The following CENPU variants were observed in gnomAD, a reference collection of about 807,000 sequenced individuals.
CENPU encodes KSHV latent nuclear antigen interacting protein 1.
Under a neutral mutation model 56.7 loss-of-function variants are expected in CENPU, and 46 were observed. The observed-to-expected ratio is 0.81, with a 90% CI of 0.64 to 1.04. The LOEUF is 1.04. CENPU is among the 50% of genes least tolerant of loss of function. The pLI is 0.00. For missense variants in CENPU, 510 were observed against 490.1 expected (o/e 1.04, Z -0.38); for synonymous variants, 166 against 163.0 (o/e 1.02, Z -0.14).
chr4:184,724,512 A>C (rs1409204907), intron 4 of CENPU, among the ~76,000 whole-genome samples: 1 of 152,206 alleles, frequency 6.6e-6, no homozygotes, highest in Non-Finnish European at 1.5e-5. Context: ...CATAAATCTC[A>C]AAGACTCAAA....
intron 4 of CENPU, among the ~76,000 whole-genome samples, chr4:184,718,701 C>T (rs981473034): frequency 3.0e-4 from 46 of 152,250 alleles, no homozygotes; most frequent in African/African-American, 1.0e-3. Flanking sequence ...AAGGCAGTCA[C>T]GGGCCAGAAA....
At chr4:184,721,457 T>TAAA (rs138476894) in intron 4 of CENPU, among the ~76,000 whole-genome samples, 14,938 of 74,026 alleles carry the variant, frequency 0.2, 2,284 homozygotes, top group East Asian at 0.68. Context: ...TGGCTGATTG[T>TAAA]AAAAAAAAAA....
chr4:184,701,753 A>T (rs562234502), intron 10 of CENPU, among the ~76,000 whole-genome samples: 1 of 152,268 alleles, frequency 6.6e-6, no homozygotes, highest in South Asian at 2.1e-4. Context: ...ATATATATTA[A>T]TATTTATCCA....
chr4:184,723,705 T>C (rs1183217107), intron 4 of CENPU, among the ~76,000 whole-genome samples: 1 of 151,546 alleles, frequency 6.6e-6, no homozygotes, highest in Non-Finnish European at 1.5e-5. Flanking sequence ...TAGCTGGACA[T>C]GGTGGCACGT....
rs969288373 is a variant in CENPU at position 184,731,880 on chromosome 4, G to A, written c.48-912C>T. Reference sequence around the variant, plus strand: ...CCTTCTGTATGCCCTTTACTCATGTGCTCTGTGTGTGTGTGTGTGTGTGTG... The same window carrying A: ...CCTTCTGTATGCCCTTTACTCATGTACTCTGTGTGTGTGTGTGTGTGTGTG... On this transcript the variant is annotated intron_variant, in intron 1 of 12. Coordinates refer to ENST00000281453, the MANE Select transcript of CENPU (RefSeq NM_024629.4). Among the ~76,000 whole-genome samples the A allele has an allele frequency of 3.4e-4, 9 of 26,794 alleles. No individual in the cohort carries two copies. The East Asian group carries it at 9.3e-3, about 28-fold the overall frequency. The allele number at this position is 26,794 out of a possible 152,430, so 17.6% of individuals were successfully genotyped here.
In CENPU at chr4:184,716,588, C is replaced by T. The variant is rs1183750274; in HGVS notation, c.427G>A (p.Glu143Lys). 6.2e-7 allele frequency: 1 copy of T among 1,614,168 alleles called. No homozygotes were observed. The highest frequency in any genetic ancestry group is 8.5e-7 in the Non-Finnish European group (1 of 1,180,030). The change falls in exon 6 of 13, where the codon GAA becomes AAA. Residue 143 changes from glutamate (E) to lysine (K), a missense_variant. By Grantham distance (56) the Glu-to-Lys change is moderately conservative. Transcript: ENST00000281453. ...RPISDDSESI[E>K]ESDTRRKVKS... ...ACTTTTCTCCTTGTATCACTTTCTTCAATGCTTTCAGAGTCATCACTAATG... is the reference window on the plus strand; with the variant it reads ...ACTTTTCTCCTTGTATCACTTTCTTTAATGCTTTCAGAGTCATCACTAATG...
Position 184,702,419 on chromosome 4 carries a change from A to C in CENPU, c.820T>G (p.Cys274Gly), listed in dbSNP as rs1370099174. The C allele has an allele frequency of 6.2e-6, 10 of 1,611,592 alleles. No individual in the cohort carries two copies. The highest frequency in any genetic ancestry group is 1.3e-5 in the African/African-American group (1 of 74,766). ...TAAAATGTGGCGATGGCTGCCTTAC[A>C]AACTTTAGATTCTATTCTTTGTCTG... ...EHQQRIESKVCKAAIATFYVN... is the reference protein window; with the variant it reads ...EHQQRIESKVGKAAIATFYVN... Residue 274 changes from cysteine (C) to glycine (G), a missense_variant, in exon 9 of 13, where the codon TGT (cysteine) becomes GGT (glycine). Transcript: ENST00000281453.
In CENPU at chr4:184,694,462, A is replaced by G; in HGVS notation, c.*826T>C. ...TCAACATAGAGTATAAGGTTAAATC[A>G]CATATCCTGAGTAAATATTTTCCTA... On this transcript the variant is annotated 3_prime_UTR_variant, in exon 13 of 13. Coordinates refer to ENST00000281453, the MANE Select transcript of CENPU (RefSeq NM_024629.4). The G allele has an allele frequency of 6.4e-7, 1 of 1,565,306 alleles. No homozygotes were observed. The highest frequency in any genetic ancestry group is 8.7e-7 in the Non-Finnish European group (1 of 1,153,458).
intron 4 of CENPU, among the ~76,000 whole-genome samples, chr4:184,719,772 G>A (rs1386441244): frequency 6.6e-6 from 1 of 152,180 alleles, no homozygotes; most frequent in African/African-American, 2.4e-5. Flanking sequence ...GAAGAGTGGA[G>A]AGGACTTTGT....
chr4:184,704,775 G>A (rs1015483661), intron 8 of CENPU, among the ~76,000 whole-genome samples: 1 of 152,168 alleles, frequency 6.6e-6, no homozygotes, highest in African/African-American at 2.4e-5. Context: ...TGCTGGGGGA[G>A]GGAGGAATGA....
intron 4 of CENPU, 48 bp downstream of exon 4, chr4:184,724,909 G>A (rs770395401): frequency 8.1e-7 from 1 of 1,230,206 alleles, no homozygotes; most frequent in South Asian, 1.3e-5. Flanking sequence ...GAGTTTCTCA[G>A]AAATCCCATT....
intron 7 of CENPU, among the ~76,000 whole-genome samples, chr4:184,711,198 T>C (rs913551884): frequency 1.3e-5 from 2 of 152,184 alleles, no homozygotes; most frequent in Non-Finnish European, 2.9e-5. Context: ...CAGGATAGTC[T>C]ACTCTTCTTC....
At chr4:184,704,576 T>C (rs1490489384) in intron 8 of CENPU, among the ~76,000 whole-genome samples, 1 of 144,992 alleles carries the variant, frequency 6.9e-6, no homozygotes, top group African/African-American at 2.7e-5. Flanking sequence ...GTGACATGAA[T>C]GTGTATACAT....
At chr4:184,709,313 C>G (rs1441130181) in intron 8 of CENPU, among the ~76,000 whole-genome samples, 2 of 151,882 alleles carry the variant, frequency 1.3e-5, no homozygotes, top group African/African-American at 4.8e-5. Flanking sequence ...ATGGTGAAAC[C>G]CTGTCTCTAC....
chr4:184,694,660 T>C lies in CENPU; in HGVS notation c.*628A>G, dbSNP rs775021705. On this transcript the variant is annotated 3_prime_UTR_variant, in exon 13 of 13. Coordinates refer to ENST00000281453, the MANE Select transcript of CENPU (RefSeq NM_024629.4). Reference sequence around the variant, plus strand: ...GGATAATGGCATTGATGATGCTTATTTTTTAGAAGCTACTGAAGATGCTGA... The same window carrying C: ...GGATAATGGCATTGATGATGCTTATCTTTTAGAAGCTACTGAAGATGCTGA... 1 of 1,614,194 alleles carries C rather than the reference T, an allele frequency of 6.2e-7. No individual in the cohort carries two copies.
At chr4:184,724,693 T>C (rs1245828411) in intron 4 of CENPU, among the ~76,000 whole-genome samples, 1 of 152,246 alleles carries the variant, frequency 6.6e-6, no homozygotes, top group Non-Finnish European at 1.5e-5. Flanking sequence ...CTTTCCCTCC[T>C]TTCTTATTTG....
chr4:184,729,137 G>T, intron 2 of CENPU, 102 bp from the exon 3 acceptor site: 1 of 890,760 alleles, frequency 1.1e-6, no homozygotes, highest in Non-Finnish European at 1.8e-6. Flanking sequence ...GCCTAAGGAA[G>T]CAATCCTTAT....
Position 184,724,134 on chromosome 4 carries a change from C to T in CENPU, c.320+823G>A, listed in dbSNP as rs184927145. 5.1e-3 allele frequency among the ~76,000 whole-genome samples: 779 copies of T among 151,934 alleles called. 5 individuals carry two copies. The highest frequency in any genetic ancestry group is 0.017 in the Middle Eastern group (5 of 292). On this transcript the variant is annotated intron_variant, in intron 4 of 12. Transcript: ENST00000281453. ...AAAAAAAATCAGCTGGGCATGGTGG[C>T]GGGCGCCTGTAGTCCCAGCCACTCG...
At chr4:184,728,692 T>A (rs1330995930) in intron 3 of CENPU, among the ~76,000 whole-genome samples, 3 of 152,218 alleles carry the variant, frequency 2.0e-5, no homozygotes, top group Non-Finnish European at 1.5e-5. Flanking sequence ...GTGACCAGAT[T>A]GTTAATGAAT....
Sources: gnomAD v4.1 joint callset for allele counts (sites outside exome capture counted in the v4.1 genomes callset) on GRCh38, gnomAD v4.1.1 for gene constraint, MANE v1.5 for transcripts, NCBI Gene and HGNC (gene_info 2026-07-23, HGNC 2026-07-21) for gene names.